Variants in RETREG3 observed in about 807,000 individuals in gnomAD.
RETREG3 encodes the protein reticulophagy regulator family member 3.
A neutral mutation model predicts 50.2 loss-of-function variants in RETREG3; 23 were observed. That is an observed-to-expected ratio of 0.46 (90% CI 0.33 to 0.65). RETREG3 has a LOEUF of 0.65. Ranked by LOEUF, RETREG3 falls within the 30% of genes least tolerant of loss-of-function variation. The probability of loss-of-function intolerance (pLI) is 0.02; values close to 1 mark genes in which losing one functional copy is unlikely to be tolerated. For missense variants in RETREG3, 546 were observed against 598.0 expected (o/e 0.91, Z 0.91); for synonymous variants, 240 against 234.4 (o/e 1.02, Z -0.22).
intron 4 of RETREG3, 102 bp from the exon 5 acceptor site, chr17:42,586,239 C>A: frequency 9.4e-7 from 1 of 1,062,484 alleles, no homozygotes; most frequent in South Asian, 1.3e-5. Context: ...CTCTGTAAGT[C>A]AAGCATGGAC....
Position 42,581,717 on chromosome 17 carries a change from G to C in RETREG3, c.*96C>G. 8.7e-7 allele frequency: 1 copy of C among 1,143,582 alleles called. No homozygotes were observed. The highest frequency in any genetic ancestry group is 1.2e-6 in the Non-Finnish European group (1 of 825,914). 70.8% of individuals were successfully genotyped at this position (1,143,582 alleles called of 1,614,324 possible). A position where few individuals can be genotyped will look rare whatever the true frequency, so the allele number is the denominator to read the frequency against. ...CACCCAGCATACAAATATAATTCAG[G>C]GGAGGGGAGCTGAGTTCTTCCCTTG... On this transcript the variant is annotated 3_prime_UTR_variant, in exon 9 of 9. Coordinates refer to ENST00000309428, the MANE Select transcript of RETREG3 (RefSeq NM_178126.4).
intron 2 of RETREG3, 83 bp downstream of exon 2, chr17:42,591,973 C>T: frequency 1.6e-6 from 2 of 1,217,628 alleles, no homozygotes; most frequent in East Asian, 4.7e-5. Context: ...CATACACCTC[C>T]TCATAAACCC....
chr17:42,600,335 T>C (rs1237969012), intron 1 of RETREG3, among the ~76,000 whole-genome samples: 1 of 152,088 alleles, frequency 6.6e-6, no homozygotes, highest in Non-Finnish European at 1.5e-5. Flanking sequence ...TGAGCTCTGA[T>C]TGTGCCACTG....
At chr17:42,589,556 C>G (rs2093128267) in intron 2 of RETREG3, among the ~76,000 whole-genome samples, 1 of 152,180 alleles carries the variant, frequency 6.6e-6, no homozygotes, top group Non-Finnish European at 1.5e-5. Flanking sequence ...CTTCAGCCTC[C>G]CAAGTAGCTG....
chr17:42,588,627 C>T (rs2093126047), intron 2 of RETREG3, among the ~76,000 whole-genome samples: 1 of 151,642 alleles, frequency 6.6e-6, no homozygotes, highest in South Asian at 2.1e-4. Context: ...GCATCACAGG[C>T]GTGAGCTACC....
chr17:42,586,739 G>A (rs754319953), intron 4 of RETREG3, 26 bp downstream of exon 4: 1 of 1,611,190 alleles, frequency 6.2e-7, no homozygotes, highest in South Asian at 1.1e-5. Context: ...GGCCAGAGAT[G>A]AAAGTGAAAA....
Position 42,609,003 on chromosome 17 carries a change from A to G in RETREG3, c.239+83T>C, listed in dbSNP as rs1417297296. 9 of 1,394,404 alleles carry G rather than the reference A, an allele frequency of 6.5e-6. No homozygotes were observed. The East Asian group carries it at 1.6e-4, about 25-fold the overall frequency. The allele number at this position is 1,394,404 out of a possible 1,614,324, so 86.4% of individuals were successfully genotyped here. ...CAGGAAGGAGCCAGTGCAGCGAAGA[A>G]AACAGGGCAGGCGAGAAGTAGAGCC... On this transcript the variant is annotated intron_variant, in intron 1 of 8. Coordinates refer to ENST00000309428, the MANE Select transcript of RETREG3 (RefSeq NM_178126.4).
In RETREG3 at chr17:42,579,558, C is replaced by G. The variant is rs2093102344; in HGVS notation, c.*2255G>C. 6.5e-6 allele frequency: 1 copy of G among 152,860 alleles called. No homozygotes were observed. Among genetic ancestry groups the G allele is most frequent in the Non-Finnish European group, 1.5e-5 (1 of 68,072 alleles). 9.5% of individuals were successfully genotyped at this position (152,860 alleles called of 1,614,324 possible). A position where few individuals can be genotyped will look rare whatever the true frequency, so the allele number is the denominator to read the frequency against. ...TATTCCCCAGCACACCCCTCCCCTC[C>G]TCAGTTCACAGTGGAGACTATGGAG... On this transcript the variant is annotated 3_prime_UTR_variant, in exon 9 of 9. Transcript: ENST00000309428.
chr17:42,599,731 G>A (rs904934032), intron 1 of RETREG3, among the ~76,000 whole-genome samples: 4 of 151,530 alleles, frequency 2.6e-5, no homozygotes, highest in East Asian at 3.9e-4. Flanking sequence ...GGTGGCTCAC[G>A]TCTGTAATCC....
intron 1 of RETREG3, among the ~76,000 whole-genome samples, chr17:42,606,858 T>C (rs2093168630): frequency 1.3e-5 from 2 of 148,294 alleles, no homozygotes; most frequent in Non-Finnish European, 3.0e-5. Flanking sequence ...TAGCCAGGCA[T>C]TGGTGGCGCA....
At chr17:42,594,707 C>T (rs1341825217) in intron 1 of RETREG3, among the ~76,000 whole-genome samples, 3 of 144,464 alleles carry the variant, frequency 2.1e-5, no homozygotes, top group East Asian at 2.2e-4. Flanking sequence ...AAAAATTAGC[C>T]GGGCATGGTG....
At chr17:42,604,461 G>T (rs573182308) in intron 1 of RETREG3, among the ~76,000 whole-genome samples, 1 of 152,172 alleles carries the variant, frequency 6.6e-6, no homozygotes, top group African/African-American at 2.4e-5. Flanking sequence ...TTAGAGATGA[G>T]GAGTTTGAGA....
In RETREG3 at chr17:42,609,283, A is replaced by G; in HGVS notation, c.42T>C (p.Ala14=). The change falls in exon 1 of 9, where the codon GCT becomes GCC. Residue 14 remains alanine (A), a synonymous_variant. Coordinates refer to ENST00000309428, the MANE Select transcript of RETREG3 (RefSeq NM_178126.4). ...GGCGGCCCCTGAAAGTCGACCCCGA[A>G]GCCGGGCCTGGGGTCGTGGGAACCC... ...AEGVPTTPGP[A]SGSTFRGRRD... is the part of the protein sequence containing the mutation. 1 of 1,603,940 alleles carries G rather than the reference A, an allele frequency of 6.2e-7. No homozygotes were observed. Among genetic ancestry groups the G allele is most frequent in the Non-Finnish European group, 8.5e-7 (1 of 1,179,734 alleles).
intron 2 of RETREG3, among the ~76,000 whole-genome samples, chr17:42,591,475 A>G (rs1156360550): frequency 6.6e-6 from 1 of 151,768 alleles, no homozygotes; most frequent in Non-Finnish European, 1.5e-5. Context: ...TTAGTGGCTG[A>G]GATTACAGGT....
intron 1 of RETREG3, among the ~76,000 whole-genome samples, chr17:42,600,033 C>T (rs1459372318): frequency 1.3e-5 from 2 of 151,594 alleles, no homozygotes; most frequent in East Asian, 3.9e-4. Flanking sequence ...CACCTAAACA[C>T]TAACAAATTG....
intron 1 of RETREG3, among the ~76,000 whole-genome samples, chr17:42,604,635 A>G (rs1191100566): frequency 7.0e-6 from 1 of 142,954 alleles, no homozygotes; most frequent in Non-Finnish European, 1.5e-5. Context: ...GTGCCACTGC[A>G]CTCCAGCCTG....
intron 2 of RETREG3, among the ~76,000 whole-genome samples, chr17:42,591,076 T>A (rs1161381976): frequency 1.3e-5 from 2 of 152,250 alleles, no homozygotes; most frequent in Non-Finnish European, 2.9e-5. Flanking sequence ...ATATGATCAA[T>A]TCTCTGATGT....
chr17:42,602,211 G>A (rs1040847130), intron 1 of RETREG3, among the ~76,000 whole-genome samples: 2 of 151,964 alleles, frequency 1.3e-5, no homozygotes, highest in South Asian at 2.1e-4. Context: ...CAGCTACTTG[G>A]GAGGCTGAGG....
Position 42,582,094 on chromosome 17 carries a change from G to A in RETREG3, c.1120C>T (p.Arg374Trp), listed in dbSNP as rs752676145. The A allele has an allele frequency of 1.6e-5, 26 of 1,614,074 alleles. No individual in the cohort carries two copies. The highest frequency in any genetic ancestry group is 1.6e-4 in the Middle Eastern group (1 of 6,062). ...AGCTCCGGCAGCGCAGCCTCGTCCC[G>A]GCTGGCAGGTGGGGCCTGGGGCTCC... is the stretch of plus-strand genomic sequence containing the variant. Reference protein sequence around the residue: ...AEEPQAPPASRDEAALPELLL... With the variant: ...AEEPQAPPASWDEAALPELLL... Residue 374 changes from arginine (R) to tryptophan (W), a missense_variant, in exon 9 of 9, where the codon CGG (arginine) becomes TGG (tryptophan). By Grantham distance (101) the Arg-to-Trp change is moderately radical. Transcript: ENST00000309428.
Sources: gnomAD v4.1 joint callset for allele counts (sites outside exome capture counted in the v4.1 genomes callset) on GRCh38, gnomAD v4.1.1 for gene constraint, MANE v1.5 for transcripts, NCBI Gene and HGNC (gene_info 2026-07-23, HGNC 2026-07-21) for gene names.